Variants in MED13L observed in about 807,000 individuals in gnomAD.
The protein encoded by MED13L is mediator complex subunit 13L.
MED13L carries 7 observed loss-of-function variants against 220.9 expected under a neutral mutation model. The observed-to-expected ratio is 0.03, with a 90% CI of 0.02 to 0.06. The LOEUF is 0.06. MED13L is among the 10% of genes least tolerant of loss of function. MED13L has a pLI of 1.00. For missense variants in MED13L, 1,965 were observed against 2,760.5 expected (o/e 0.71, Z 6.46); for synonymous variants, 1,011 against 1,015.2 (o/e 1.00, Z 0.08).
At chr12:116,109,357 A>G (rs1275625179) in intron 3 of MED13L, among the ~76,000 whole-genome samples, 1 of 152,076 alleles carries the variant, frequency 6.6e-6, no homozygotes, top group Non-Finnish European at 1.5e-5. Context: ...TGAATTCATG[A>G]GCCATAAATA....
intron 20 of MED13L, 148 bp from the exon 21 acceptor site, chr12:115,983,688 T>C (rs1386006184): frequency 4.6e-6 from 4 of 877,848 alleles, no homozygotes; most frequent in South Asian, 4.4e-5. Context: ...TCCACAGTCA[T>C]GCTTATGTAT....
chr12:116,253,201 G>A (rs1871716338), intron 1 of MED13L, among the ~76,000 whole-genome samples: 1 of 151,280 alleles, frequency 6.6e-6, no homozygotes, highest in Admixed American at 6.6e-5. Flanking sequence ...GGGGGAGGGG[G>A]GCGGAGGTTG....
chr12:115,966,024 T>G, intron 29 of MED13L, 58 bp downstream of exon 29: 5 of 1,588,586 alleles, frequency 3.1e-6, no homozygotes, highest in Non-Finnish European at 4.3e-6. Context: ...TAACCAAAAT[T>G]AAATTTAAGC....
intron 4 of MED13L, among the ~76,000 whole-genome samples, chr12:116,079,897 T>C (rs963751320): frequency 3.3e-5 from 5 of 152,114 alleles, no homozygotes; most frequent in African/African-American, 1.2e-4. Context: ...TGTTCTGAGA[T>C]CTGAAAGTTA....
intron 26 of MED13L, 47 bp downstream of exon 26, chr12:115,972,031 G>C: frequency 2.5e-6 from 4 of 1,598,002 alleles, no homozygotes; most frequent in Non-Finnish European, 3.4e-6. Context: ...TGAGTGGACT[G>C]AATTGATGTG....
intron 2 of MED13L, among the ~76,000 whole-genome samples, chr12:116,205,321 GTTTTTTT>G (rs890490727): frequency 6.6e-6 from 1 of 151,336 alleles, no homozygotes; most frequent in Non-Finnish European, 1.5e-5. Context: ...TTCAAGTCGT[GTTTTTTT>G]TAACGTTTTT....
intron 1 of MED13L, among the ~76,000 whole-genome samples, chr12:116,250,025 TAAAAA>T (rs71095516): frequency 2.5e-5 from 1 of 40,462 alleles, no homozygotes; most frequent in Non-Finnish European, 4.2e-5. Flanking sequence ...CAGCATAAAC[TAAAAA>T]AAAAAAAAAA....
chr12:116,177,579 A>G (rs1485849443), intron 2 of MED13L, among the ~76,000 whole-genome samples: 2 of 152,220 alleles, frequency 1.3e-5, no homozygotes, highest in African/African-American at 2.4e-5. Context: ...TGCTATTTAT[A>G]TAACTTTAAA....
At position 115,991,665 on chromosome 12, in the gene MED13L, G is replaced by A. The variant is rs1277143195; in HGVS notation, c.3289C>T (p.Pro1097Ser). Reference sequence around the variant, plus strand: ...TCGGGAATTGGCTGCATGGTGGCGGGCTCCACAGAGTTGAGGGGCCGTGTA... The same window carrying A: ...TCGGGAATTGGCTGCATGGTGGCGGACTCCACAGAGTTGAGGGGCCGTGTA... ...STTRPLNSVEPATMQPIPEAH... is the reference protein window; with the variant it reads ...STTRPLNSVESATMQPIPEAH... The change falls in exon 17 of 31, where the codon CCC (proline) becomes TCC (serine). Residue 1097 changes from proline (P) to serine (S), a missense_variant. Physicochemically the swap from Pro to Ser is moderately conservative, Grantham distance 74. Around this residue, in one of 10 missense-constraint regions of MED13L, gnomAD observed 233 missense variants for 306.2 expected, o/e 0.76. Coordinates refer to ENST00000281928, the MANE Select transcript of MED13L (RefSeq NM_015335.5). The surrounding 1 kb of genome is among the most constrained non-coding windows in gnomAD (Gnocchi z 7.7). 6.2e-7 allele frequency: 1 copy of A among 1,614,080 alleles called. No individual in the cohort carries two copies. The highest frequency in any genetic ancestry group is 1.1e-5 in the South Asian group (1 of 91,074).
chr12:116,248,148 A>G lies in MED13L; in HGVS notation c.73-10443T>C, dbSNP rs141755178. On this transcript the variant is annotated intron_variant, in intron 1 of 30. Transcript: ENST00000281928. The stretch of plus-strand genomic sequence containing the variant: ...AGCAAATTAACACGGCAACAAGAAT[A>G]AAATAGAAGAATAAAGCCATGTGAT... Among the ~76,000 whole-genome samples, 414 of 152,378 alleles carry G rather than the reference A, an allele frequency of 2.7e-3. 1 individual carries two copies. Among genetic ancestry groups the G allele is most frequent in the Admixed American group, 6.1e-3 (93 of 15,306 alleles).
chr12:116,078,737 T>C (rs994150804), intron 4 of MED13L, among the ~76,000 whole-genome samples: 1 of 152,190 alleles, frequency 6.6e-6, no homozygotes, highest in Non-Finnish European at 1.5e-5. Flanking sequence ...AATTATCTGG[T>C]CCTTTACAAT....
rs1468084867 is a variant in MED13L at position 115,980,958 on chromosome 12, A to AAAAAAAC, written c.5176-27_5176-21dup. On this transcript the variant is annotated intron_variant, in intron 22 of 30. Coordinates refer to ENST00000281928, the MANE Select transcript of MED13L (RefSeq NM_015335.5). ...CACAATCTAAAGACACAAATACAAA[A>AAAAAAAC]AAAAAACAAAAACCAAAAACCTAGA... The AAAAAAAC allele has an allele frequency of 1.9e-6, 3 of 1,601,552 alleles. No individual in the cohort carries two copies. The highest frequency in any genetic ancestry group is 2.5e-6 in the Non-Finnish European group (3 of 1,178,220).
At chr12:116,168,295 C>T (rs1050358621) in intron 2 of MED13L, among the ~76,000 whole-genome samples, 1 of 149,500 alleles carries the variant, frequency 6.7e-6, no homozygotes, top group South Asian at 2.1e-4. Context: ...TTTAACTCCA[C>T]GAATAGTGTC....
rs117138807 is a variant in MED13L, at chr12:116,254,926, T to C, written c.73-17221A>G. On this transcript the variant is annotated intron_variant, in intron 1 of 30. Coordinates refer to ENST00000281928, the MANE Select transcript of MED13L (RefSeq NM_015335.5). ...TCTAGAGAAATGAAGAGCCAGACCA[T>C]GTTCATGAACTGAAAGATTTAAAAT... is the stretch of plus-strand genomic sequence containing the variant. Among the ~76,000 whole-genome samples the C allele has an allele frequency of 3.6e-3, 552 of 152,328 alleles. 2 individuals carry two copies. The highest frequency in any genetic ancestry group is 6.5e-3 in the Non-Finnish European group (440 of 68,032).
intron 1 of MED13L, among the ~76,000 whole-genome samples, chr12:116,260,129 C>A (rs1872397443): frequency 6.6e-6 from 1 of 152,154 alleles, no homozygotes; most frequent in Non-Finnish European, 1.5e-5. Context: ...TTCATTAGTA[C>A]TACCTCACTT....
chr12:116,166,388 T>C (rs1229380454), intron 2 of MED13L, among the ~76,000 whole-genome samples: 2 of 152,022 alleles, frequency 1.3e-5, no homozygotes, highest in East Asian at 3.9e-4. Context: ...AGAAGTTCTG[T>C]CCCTCTAAGA....
At chr12:116,057,965 T>A (rs972463645) in intron 4 of MED13L, among the ~76,000 whole-genome samples, 5 of 152,160 alleles carry the variant, frequency 3.3e-5, no homozygotes, top group African/African-American at 1.2e-4. Context: ...AATTTTAGGA[T>A]CCAACGTGTT....
chr12:116,133,130 G>A (rs1394209238), intron 2 of MED13L, among the ~76,000 whole-genome samples: 2 of 152,216 alleles, frequency 1.3e-5, no homozygotes, highest in East Asian at 1.9e-4. Flanking sequence ...AGGAAAATGA[G>A]TGAATGGGCA....
chr12:116,118,661 C>T (rs763992964), intron 2 of MED13L, among the ~76,000 whole-genome samples: 129 of 152,100 alleles, frequency 8.5e-4, no homozygotes, highest in Non-Finnish European at 1.3e-3. Context: ...AATACAGGAG[C>T]AGCATATGTT....
Sources: gnomAD v4.1 joint callset for allele counts (sites outside exome capture counted in the v4.1 genomes callset) on GRCh38, gnomAD v4.1.1 for gene constraint, gnomAD v4.1.1 regional missense constraint, Gnocchi (gnomAD v3.1) non-coding constraint, MANE v1.5 for transcripts, NCBI Gene and HGNC (gene_info 2026-07-23, HGNC 2026-07-21) for gene names.